The following DHTKD1 variants were observed in gnomAD, a reference collection of about 807,000 sequenced individuals.
DHTKD1 encodes 2-oxoadipate dehydrogenase complex component E1.
A neutral mutation model predicts 101.8 loss-of-function variants in DHTKD1; 78 were observed. The observed-to-expected ratio is 0.77, with a 90% CI of 0.64 to 0.93. DHTKD1 has a LOEUF of 0.93. Among genes scored for constraint, DHTKD1 ranks in the 40% least tolerant of loss-of-function variants. The pLI is 0.00. For missense variants in DHTKD1, 1,223 were observed against 1,161.7 expected, an observed-to-expected ratio of 1.05 and a Z score of -0.77; for synonymous variants, 462 against 450.3, an observed-to-expected ratio of 1.03 and a Z score of -0.33.
chr10:12,090,509 T>G (rs1832976529), intron 5 of DHTKD1, among the ~76,000 whole-genome samples: 1 of 150,914 alleles, frequency 6.6e-6, no homozygotes, highest in African/African-American at 2.4e-5. Flanking sequence ...TCAAGATGGG[T>G]TCTCAATCTT....
At chr10:12,096,451 T>A (rs965766720) in intron 7 of DHTKD1, among the ~76,000 whole-genome samples, 4 of 152,126 alleles carry the variant, frequency 2.6e-5, no homozygotes, top group African/African-American at 7.2e-5. Flanking sequence ...AGTGGTATGA[T>A]CACGGCTCAC....
At chr10:12,088,296 A>G (rs1335487012) in intron 4 of DHTKD1, among the ~76,000 whole-genome samples, 1 of 151,976 alleles carries the variant, frequency 6.6e-6, no homozygotes, top group Non-Finnish European at 1.5e-5. Flanking sequence ...CCCTACAAAA[A>G]TAAAAATTAG....
chr10:12,097,940 G>A lies in DHTKD1; in HGVS notation c.1615G>A (p.Val539Ile), dbSNP rs773858443. 5.6e-6 allele frequency: 9 copies of A among 1,614,148 alleles called. No homozygotes were observed. The Admixed American group carries it at 1.5e-4, about 27-fold the overall frequency. The stretch of plus-strand genomic sequence containing the variant: ...CCTGCGGTTTGTTGGCATGAAGTCT[G>A]TAGAGGTGCCAAGAGAGCTGCAGAT... ...DLLRFVGMKS[V>I]EVPRELQMHS... Residue 539 changes from valine to isoleucine, a missense_variant, in exon 8 of 17, where the codon GTA becomes ATA. Physicochemically the swap from Val to Ile is conservative, Grantham distance 29 (BLOSUM62 3). Transcript: ENST00000263035.
chr10:12,082,956 G>T (rs1827306127), intron 2 of DHTKD1, among the ~76,000 whole-genome samples: 1 of 151,970 alleles, frequency 6.6e-6, no homozygotes, highest in Non-Finnish European at 1.5e-5. Flanking sequence ...CTAACACAGT[G>T]AAACCCCGTC....
chr10:12,104,466 ACT>A (rs1189460489), intron 10 of DHTKD1, among the ~76,000 whole-genome samples: 4 of 152,026 alleles, frequency 2.6e-5, no homozygotes, highest in African/African-American at 9.7e-5. Flanking sequence ...GAGCCACCAC[ACT>A]CTGCCCGTCC....
chr10:12,108,419 C>T (rs1425057449), intron 12 of DHTKD1, among the ~76,000 whole-genome samples: 1 of 152,112 alleles, frequency 6.6e-6, no homozygotes, highest in Non-Finnish European at 1.5e-5. Flanking sequence ...GCTGGGACCA[C>T]AGGCGTATGC....
chr10:12,087,423 G>A lies in DHTKD1; in HGVS notation c.523-112G>A. 1 of 831,492 alleles carries A rather than the reference G, an allele frequency of 1.2e-6. No individual in the cohort carries two copies. Among genetic ancestry groups the A allele is most frequent in the East Asian group, 2.6e-5 (1 of 38,878 alleles). The allele number at this position is 831,492 out of a possible 1,614,324, so 51.5% of individuals were successfully genotyped here. A position where few individuals can be genotyped will look rare whatever the true frequency, so the allele number is the denominator to read the frequency against. On this transcript the variant is annotated intron_variant, in intron 3 of 16. Transcript: ENST00000263035. The surrounding 1 kb of genome is among the most constrained non-coding windows in gnomAD (Gnocchi z 5.2). ...GGATATGTAGTAAAGTGGCATTGCT[G>A]TGGCCACTTGGGGAGTGTGGGGCCA...
At chr10:12,109,888 G>A (rs1247353747) in intron 12 of DHTKD1, among the ~76,000 whole-genome samples, 1 of 152,148 alleles carries the variant, frequency 6.6e-6, no homozygotes, top group Non-Finnish European at 1.5e-5. Context: ...GTTGATGACT[G>A]CGGTTTTGAT....
Position 12,110,811 on chromosome 10 carries a change from G to A in DHTKD1, c.2155-2089G>A, listed in dbSNP as rs1833318051. On this transcript the variant is annotated intron_variant, in intron 12 of 16. Transcript: ENST00000263035. The surrounding 1 kb of genome is among the most constrained non-coding windows in gnomAD (Gnocchi z 4.9). ...TCCCAGCACTTTGGGAGGCCAAGGT[G>A]GGTGGATATCTTGCTCAGGAGTTTG... is the stretch of plus-strand genomic sequence containing the variant. Among the ~76,000 whole-genome samples the A allele has an allele frequency of 6.6e-6, 1 of 152,102 alleles. No individual in the cohort carries two copies. The highest frequency in any genetic ancestry group is 2.1e-4 in the South Asian group (1 of 4,828).
intron 7 of DHTKD1, among the ~76,000 whole-genome samples, chr10:12,096,320 T>C (rs1027217723): frequency 1.3e-5 from 2 of 152,214 alleles, no homozygotes; most frequent in African/African-American, 4.8e-5. Context: ...TCAGAAGAAC[T>C]AATTGTGTTC....
chr10:12,096,976 G>A (rs911340576), intron 7 of DHTKD1, among the ~76,000 whole-genome samples: 2 of 152,120 alleles, frequency 1.3e-5, no homozygotes, highest in African/African-American at 4.8e-5. Context: ...ATTTCTATTT[G>A]GATGCAGACA....
chr10:12,079,443 G>C (rs2131350439), intron 1 of DHTKD1, among the ~76,000 whole-genome samples: 1 of 152,254 alleles, frequency 6.6e-6, no homozygotes, highest in South Asian at 2.1e-4. Context: ...GCCGAGGCAG[G>C]TGGATCACAA....
At chr10:12,081,340 C>G (rs1832812925) in intron 1 of DHTKD1, 132 bp from the exon 2 acceptor site, 2 of 681,802 alleles carry the variant, frequency 2.9e-6, no homozygotes, top group African/African-American at 1.9e-5. Context: ...GAGCAAGACC[C>G]TGTCTCTAAA....
chr10:12,077,991 TGA>T (rs1272128284), intron 1 of DHTKD1, among the ~76,000 whole-genome samples: 2 of 151,992 alleles, frequency 1.3e-5, no homozygotes, highest in Non-Finnish European at 2.9e-5. Context: ...GTGCCTGACA[TGA>T]GAGAGGACTT....
At position 12,096,630 on chromosome 10, in the gene DHTKD1, A is replaced by C. The variant is rs150483415; in HGVS notation, c.1359-1054A>C. 3.3e-3 allele frequency among the ~76,000 whole-genome samples: 498 copies of C among 152,352 alleles called. 2 individuals are homozygous for C. Among genetic ancestry groups the C allele is most frequent in the African/African-American group, 0.011 (468 of 41,584 alleles). ...CTCCCAAAGTTCTGGGATTGCAGGC[A>C]TGAGCCTCCTCACCTGGCCCCAGGG... On this transcript the variant is annotated intron_variant, in intron 7 of 16. Coordinates refer to ENST00000263035, the MANE Select transcript of DHTKD1 (RefSeq NM_018706.7).
chr10:12,089,322 G>C, intron 5 of DHTKD1, 67 bp downstream of exon 5: 1 of 1,453,762 alleles, frequency 6.9e-7, no homozygotes, highest in South Asian at 1.2e-5. Flanking sequence ...GGGTTGGGAG[G>C]GCTGAAAGCA....
intron 10 of DHTKD1, 98 bp from the exon 11 acceptor site, chr10:12,106,148 C>T: frequency 8.1e-7 from 1 of 1,241,910 alleles, no homozygotes; most frequent in Non-Finnish European, 1.2e-6. Context: ...GAGAGCAAGG[C>T]TCCCTCTCCG....
intron 13 of DHTKD1, chr10:12,116,285 C>A (rs1238121975): frequency 2.6e-5 from 4 of 152,036 alleles, no homozygotes; most frequent in Non-Finnish European, 5.9e-5. Flanking sequence ...TTCTTAAATT[C>A]ATTTTTTAAT....
At chr10:12,084,837 G>C in intron 3 of DHTKD1, 86 bp downstream of exon 3, 1 of 1,203,164 alleles carries the variant, frequency 8.3e-7, no homozygotes, top group Non-Finnish European at 1.2e-6. Context: ...GATCACCTGA[G>C]GTCAGGAGTT....
Sources: allele counts gnomAD v4.1 joint callset (sites outside exome capture counted in the v4.1 genomes callset), GRCh38; gene constraint gnomAD v4.1.1; non-coding constraint Gnocchi (gnomAD v3.1); transcripts MANE v1.5; gene names NCBI Gene and HGNC (gene_info 2026-07-23, HGNC 2026-07-21).